Variants in TBC1D17 observed in about 807,000 individuals in gnomAD.
The protein encoded by TBC1D17 is TBC1 domain family member 17.
A neutral mutation model predicts 78.8 loss-of-function variants in TBC1D17; 69 were observed. The observed-to-expected ratio is 0.88, with a 90% CI of 0.72 to 1.07. TBC1D17 has a LOEUF of 1.07. Ranked by LOEUF, TBC1D17 falls within the 50% of genes least tolerant of loss-of-function variation. TBC1D17 has a pLI of 0.00. For missense variants in TBC1D17, 957 were observed against 861.0 expected, an observed-to-expected ratio of 1.11 and a Z score of -1.39; for synonymous variants, 456 against 358.3, an observed-to-expected ratio of 1.27 and a Z score of -3.08.
intron 2 of TBC1D17, 104 bp downstream of exon 2, chr19:49,878,345 G>T (rs1198544787): frequency 7.9e-7 from 1 of 1,262,932 alleles, no homozygotes. Flanking sequence ...TCAGCAGTGG[G>T]ACCTGAAGAA....
chr19:49,888,554 A>T lies in TBC1D17; in HGVS notation c.1877A>T (p.Asp626Val). Residue 626 changes from aspartate (D) to valine (V), a missense_variant, in exon 17 of 17, where the codon GAC becomes GTC. Asp to Val is a radical substitution (Grantham distance 152, BLOSUM62 -3). Coordinates refer to ENST00000221543, the MANE Select transcript of TBC1D17 (RefSeq NM_024682.3). Reference sequence around the variant, plus strand: ...CCGCCCACCCCGCCGCCCTCCACGGACACAGCCCCGCAGCCCGACAGCAGC... The same window carrying T: ...CCGCCCACCCCGCCGCCCTCCACGGTCACAGCCCCGCAGCCCGACAGCAGC... ...RAPPTPPPST[D>V]TAPQPDSSLE... 1.8e-5 allele frequency: 22 copies of T among 1,195,000 alleles called. No individual in the cohort carries two copies. The highest frequency in any genetic ancestry group is 2.4e-5 in the Non-Finnish European group (22 of 903,410). 74.0% of individuals were successfully genotyped at this position (1,195,000 alleles called of 1,614,324 possible).
At position 49,882,786 on chromosome 19, in the gene TBC1D17, C is replaced by A; in HGVS notation, c.821C>A (p.Thr274Asn). The change falls in exon 8 of 17, where the codon ACC becomes AAC. Residue 274 changes from threonine (T) to asparagine (N), a missense_variant. Physicochemically the swap from Thr to Asn is moderately conservative, Grantham distance 65. Coordinates refer to ENST00000221543, the MANE Select transcript of TBC1D17 (RefSeq NM_024682.3). The part of the protein sequence containing the change: ...ISCVELGPRP[T>N]VERGPPVTEE... ...CAGGTGGAGCTGGGGCCTCGGCCAACCGTGGAGCGGGGCCCTCCAGTTACA... is the reference window on the plus strand; with the variant it reads ...CAGGTGGAGCTGGGGCCTCGGCCAAACGTGGAGCGGGGCCCTCCAGTTACA... 3 of 1,590,216 alleles carry A rather than the reference C, an allele frequency of 1.9e-6. No homozygotes were observed. The highest frequency in any genetic ancestry group is 2.6e-6 in the Non-Finnish European group (3 of 1,168,554).
chr19:49,888,097 C>T (rs112130704), intron 15 of TBC1D17, 134 bp from the exon 16 acceptor site: 26 of 1,398,020 alleles, frequency 1.9e-5, no homozygotes, highest in African/African-American at 1.8e-4. Context: ...AAGCATGTCT[C>T]GCCCAGCGCA....
At chr19:49,881,716 G>A (rs2075015202) in intron 5 of TBC1D17, among the ~76,000 whole-genome samples, 1 of 152,194 alleles carries the variant, frequency 6.6e-6, no homozygotes, top group Non-Finnish European at 1.5e-5. Flanking sequence ...TGGGGCCCCA[G>A]TATCCGTGGC....
intron 3 of TBC1D17, among the ~76,000 whole-genome samples, chr19:49,879,851 T>C (rs75421140): frequency 4.4e-3 from 1 of 228 alleles, no homozygotes. Context: ...TCTTTTTTCT[T>C]TTTTTTTTTT....
intron 12 of TBC1D17, 26 bp from the exon 13 acceptor site, chr19:49,884,633 C>G (rs777639936): frequency 1.9e-6 from 3 of 1,613,900 alleles, no homozygotes; most frequent in African/African-American, 1.3e-5. Flanking sequence ...GGGGTCTGCT[C>G]TTTCCCCCCT....
rs2075081226 is a variant in TBC1D17 at position 49,888,291 on chromosome 19, C to T, written c.1720C>T (p.Leu574=). 6.3e-7 allele frequency: 1 copy of T among 1,591,146 alleles called. No homozygotes were observed. The highest frequency in any genetic ancestry group is 8.5e-7 in the Non-Finnish European group (1 of 1,169,648). Residue 574 remains leucine (L), a synonymous_variant, in exon 16 of 17, where the codon CTG becomes TTG. Transcript: ENST00000221543. ...GGACGTGCTGACCCGCGCCGAGGCC[C>T]TGCACCGCCAGCTAACCGCCTGCCC... The part of the protein sequence containing the change: ...VEDVLTRAEA[L]HRQLTACPEL...
intron 1 of TBC1D17, 25 bp downstream of exon 1, chr19:49,877,769 C>A: frequency 6.3e-7 from 1 of 1,582,440 alleles, no homozygotes; most frequent in African/African-American, 1.3e-5. Context: ...CGCATTCCCT[C>A]GCTTCAGTGT....
At chr19:49,886,336 A>T (rs964690745) in intron 13 of TBC1D17, among the ~76,000 whole-genome samples, 1 of 152,204 alleles carries the variant, frequency 6.6e-6, no homozygotes, top group Admixed American at 6.5e-5. Context: ...ATAATAAGTT[A>T]AACTTATTCA....
chr19:49,882,078 C>G lies in TBC1D17; in HGVS notation c.565C>G (p.His189Asp). Residue 189 changes from histidine to aspartate, a missense_variant, in exon 6 of 17, where the codon CAC (histidine) becomes GAC (aspartate). His to Asp is a moderately conservative substitution (Grantham distance 81). Transcript: ENST00000221543. ...QDSRLYLVFP[H>D]DSSALSNSFH... ...CTCCCGCCTCTACCTTGTCTTCCCC[C>G]ACGACTCCTCTGCTCTCTCCAACTC... 6.2e-7 allele frequency: 1 copy of G among 1,614,146 alleles called. No homozygotes were observed. The highest frequency in any genetic ancestry group is 8.5e-7 in the Non-Finnish European group (1 of 1,180,016).
In TBC1D17 at chr19:49,878,538, C is replaced by T. The variant is rs2074980717; in HGVS notation, c.161C>T (p.Ala54Val). The T allele has an allele frequency of 1.9e-6, 3 of 1,614,012 alleles. No individual in the cohort carries two copies. The highest frequency in any genetic ancestry group is 2.2e-5 in the East Asian group (1 of 44,902). Reference sequence around the variant, plus strand: ...CTGCACTGGGCTCCTGTAGAGGAGGCTGGAGATTCCACCCAAATCCTCTTC... The same window carrying T: ...CTGCACTGGGCTCCTGTAGAGGAGGTTGGAGATTCCACCCAAATCCTCTTC... ...VLLHWAPVEE[A>V]GDSTQILFSK... The change falls in exon 3 of 17, where the codon GCT becomes GTT. Residue 54 changes from alanine (A) to valine (V), a missense_variant. Transcript: ENST00000221543.
chr19:49,877,970 C>A lies in TBC1D17; in HGVS notation c.22-173C>A. 4 of 713,088 alleles carry A rather than the reference C, an allele frequency of 5.6e-6. 1 individual carries two copies. In the South Asian group the frequency reaches 7.7e-5, roughly 14 times the overall value. 44.2% of individuals were successfully genotyped at this position (713,088 alleles called of 1,614,324 possible). ...TCCTTGAGCCCTGCCCCCTGTGGAA[C>A]GCACGTCAGCATCCGAACGCGGGCT... is the stretch of plus-strand genomic sequence containing the variant. On this transcript the variant is annotated intron_variant, in intron 1 of 16. Transcript: ENST00000221543.
At chr19:49,884,231 A>T (rs780372916) in intron 10 of TBC1D17, 22 bp from the exon 11 acceptor site, 2 of 1,609,352 alleles carry the variant, frequency 1.2e-6, no homozygotes, top group African/African-American at 2.7e-5. Context: ...TCACCTTTGC[A>T]CCCTGTGCCC....
chr19:49,880,319 C>T lies in TBC1D17; in HGVS notation c.236C>T (p.Pro79Leu), dbSNP rs777147259. The T allele has an allele frequency of 1.9e-6, 3 of 1,614,066 alleles. No homozygotes were observed. The highest frequency in any genetic ancestry group is 2.5e-6 in the Non-Finnish European group (3 of 1,180,010). ...GGDSCASEEE[P>L]TFDPGYEPDW... is the part of the protein sequence containing the mutation. ...GACTCATGTGCTTCTGAGGAGGAAC[C>T]AACCTTTGACCCCGGCTATGAACCT... The change falls in exon 4 of 17, where the codon CCA (proline) becomes CTA (leucine). Residue 79 changes from proline to leucine, a missense_variant. By Grantham distance (98) the Pro-to-Leu change is moderately conservative. Coordinates refer to ENST00000221543, the MANE Select transcript of TBC1D17 (RefSeq NM_024682.3).
chr19:49,886,386 A>T (rs2075058662), intron 13 of TBC1D17, among the ~76,000 whole-genome samples: 1 of 152,078 alleles, frequency 6.6e-6, no homozygotes, highest in Non-Finnish European at 1.5e-5. Context: ...CGGGGGAGGG[A>T]GCTGAGATAC....
chr19:49,882,220 C>T (rs1276611577), intron 6 of TBC1D17, 22 bp from the exon 7 acceptor site: 3 of 1,612,470 alleles, frequency 1.9e-6, no homozygotes, highest in Non-Finnish European at 2.5e-6. Context: ...GGGCCGTGAC[C>T]TCCCTTTGGC....
In TBC1D17 at chr19:49,880,369, C is replaced by G; in HGVS notation, c.286C>G (p.Arg96Gly). The change falls in exon 4 of 17, where the codon CGG (arginine) becomes GGG (glycine). Residue 96 changes from arginine (R) to glycine (G), a missense_variant. By Grantham distance (125) the Arg-to-Gly change is moderately radical. Coordinates refer to ENST00000221543, the MANE Select transcript of TBC1D17 (RefSeq NM_024682.3). ...EPDWAVISTV[R>G]PQLCHSEPTR... ...TGACTGGGCTGTCATCAGCACTGTG[C>G]GGCCACAGCTCTGCCACTCAGAGCC... 1 of 1,613,848 alleles carries G rather than the reference C, an allele frequency of 6.2e-7. No individual in the cohort carries two copies. Among genetic ancestry groups the G allele is most frequent in the Non-Finnish European group, 8.5e-7 (1 of 1,179,940 alleles).
intron 1 of TBC1D17, 122 bp downstream of exon 1, chr19:49,877,866 T>G: frequency 2.2e-5 from 27 of 1,233,056 alleles, no homozygotes; most frequent in Non-Finnish European, 3.0e-5. Context: ...CACCGATCTC[T>G]TATAAACGCG....
rs146327021 is a variant in TBC1D17, at chr19:49,880,196, C to T, written c.196-83C>T. ...TTGTGCCTCAGTTTCCCTCTTTATTCAATGGGGCTATCTTCCAGGGTAGCC... is the reference window on the plus strand; with the variant it reads ...TTGTGCCTCAGTTTCCCTCTTTATTTAATGGGGCTATCTTCCAGGGTAGCC... On this transcript the variant is annotated intron_variant, in intron 3 of 16. Transcript: ENST00000221543. The T allele has an allele frequency of 2.6e-6, 4 of 1,542,840 alleles. No homozygotes were observed. In the East Asian group the frequency reaches 9.1e-5, roughly 35 times the overall value.
Sources: allele counts gnomAD v4.1 joint callset (sites outside exome capture counted in the v4.1 genomes callset), GRCh38; gene constraint gnomAD v4.1.1; transcripts MANE v1.5; gene names NCBI Gene and HGNC (gene_info 2026-07-23, HGNC 2026-07-21).